Variants in SLC25A37 observed in about 807,000 individuals in gnomAD.
The protein encoded by SLC25A37 is mitoferrin-1.
SLC25A37 carries 17 observed loss-of-function variants against 31.0 expected under a neutral mutation model. The observed-to-expected ratio is 0.55, with a 90% CI of 0.38 to 0.82. The LOEUF (loss-of-function observed/expected upper bound fraction) is 0.82, where lower values mean the gene tolerates loss of function less well. Among genes scored for constraint, SLC25A37 ranks in the 40% least tolerant of loss-of-function variants. The pLI is 0.00. For synonymous variants in SLC25A37, 222 were observed against 193.0 expected (o/e 1.15, Z -1.24); for missense variants, 404 against 465.8 (o/e 0.87, Z 1.22).
At chr8:23,554,651 T>C (rs185118839) in intron 1 of SLC25A37, among the ~76,000 whole-genome samples, 104 of 152,274 alleles carry the variant, frequency 6.8e-4, no homozygotes, top group Non-Finnish European at 1.2e-3. Context: ...GGAGACCAGA[T>C]TGGGTTCCTA....
In SLC25A37 at chr8:23,529,833, C is replaced by A. The variant is rs927284692; in HGVS notation, c.210+621C>A. Among the ~76,000 whole-genome samples, 2 of 152,150 alleles carry A rather than the reference C, an allele frequency of 1.3e-5. No homozygotes were observed. The highest frequency in any genetic ancestry group is 2.9e-5 in the Non-Finnish European group (2 of 68,038). On this transcript the variant is annotated intron_variant, in intron 1 of 3. Coordinates refer to ENST00000519973, the MANE Select transcript of SLC25A37 (RefSeq NM_016612.4). The surrounding 1 kb of genome is among the most constrained non-coding windows in gnomAD (Gnocchi z 4.1). ...CTTTCTGAGGGTTCCTGCACTTCTT[C>A]CCCCGACTTTGGGTCGCCGAGCCGC... is the stretch of plus-strand genomic sequence containing the variant.
chr8:23,538,398 AAAAAAAAAC>A (rs1801817295), intron 1 of SLC25A37, among the ~76,000 whole-genome samples: 2 of 143,844 alleles, frequency 1.4e-5, no homozygotes, highest in African/African-American at 2.6e-5. Context: ...AAAAAAAAAA[AAAAAAAAAC>A]CAGAAAAAAA....
intron 1 of SLC25A37, among the ~76,000 whole-genome samples, chr8:23,554,094 C>T (rs1218765684): frequency 1.3e-5 from 2 of 152,164 alleles, no homozygotes; most frequent in Non-Finnish European, 1.5e-5. Context: ...TCTGGCCGAC[C>T]GCCTGGCTTC....
intron 1 of SLC25A37, among the ~76,000 whole-genome samples, chr8:23,545,443 A>T (rs1802009641): frequency 6.6e-6 from 1 of 152,218 alleles, no homozygotes; most frequent in South Asian, 2.1e-4. Flanking sequence ...ATGATAGTCC[A>T]GGGTGTAGAC....
rs1178677051 is a variant in SLC25A37, at chr8:23,549,845, G to A, written c.211-16263G>A. On this transcript the variant is annotated intron_variant, in intron 1 of 3. Transcript: ENST00000519973. ...GGCTTACATCCCCAGCTGTTAACCT[G>A]TGGGGTGGGCCCCAGACTGTGGCCA... Among the ~76,000 whole-genome samples the A allele has an allele frequency of 1.4e-5, 2 of 138,322 alleles. 1 individual carries two copies. The highest frequency in any genetic ancestry group is 6.4e-5 in the African/African-American group (2 of 31,182). The allele number at this position is 138,322 out of a possible 152,430, so 90.7% of individuals were successfully genotyped here. A position where few individuals can be genotyped will look rare whatever the true frequency, so the allele number is the denominator to read the frequency against.
chr8:23,573,823 G>GC lies in SLC25A37; in HGVS notation c.*1974dup, dbSNP rs772865780. ...GCAGTTAACGCCTTCTCCCTGCTCT[G>GC]CCCCCCACTCCCCAAAACCAGTTGC... is the stretch of plus-strand genomic sequence containing the variant. On this transcript the variant is annotated 3_prime_UTR_variant, in exon 4 of 4. Coordinates refer to ENST00000519973, the MANE Select transcript of SLC25A37 (RefSeq NM_016612.4). The GC allele has an allele frequency of 1.1e-5, 5 of 456,556 alleles. No homozygotes were observed. Among genetic ancestry groups the GC allele is most frequent in the Non-Finnish European group, 2.2e-5 (5 of 226,974 alleles). The allele number at this position is 456,556 out of a possible 1,614,324, so 28.3% of individuals were successfully genotyped here.
rs146811940 is a variant in SLC25A37 at position 23,530,637 on chromosome 8, G to A, written c.210+1425G>A. 5.5e-4 allele frequency among the ~76,000 whole-genome samples: 84 copies of A among 152,318 alleles called. No individual in the cohort carries two copies. The East Asian group carries it at 0.01, about 19-fold the overall frequency. On this transcript the variant is annotated intron_variant, in intron 1 of 3. Transcript: ENST00000519973. ...GACTGATACCAGGTGGCATTTGTAT[G>A]GGAAAGAATCCCTCAAATGTAATAA...
rs540950017 is a variant in SLC25A37, at chr8:23,572,203, T to TAAAAAAAAAAAAAAAAAAA, written c.*375_*393dup. The TAAAAAAAAAAAAAAAAAAA allele has an allele frequency of 2.3e-5, 2 of 85,756 alleles. No individual in the cohort carries two copies. The highest frequency in any genetic ancestry group is 3.5e-4 in the South Asian group (1 of 2,888). 5.3% of individuals were successfully genotyped at this position (85,756 alleles called of 1,614,324 possible). ...GAAAATTTGCAGTGACTGAAAACAG[T>TAAAAAAAAAAAAAAAAAAA]AAAAAAAAAAAAAAAAAAAAAAAAA... On this transcript the variant is annotated 3_prime_UTR_variant, in exon 4 of 4. Coordinates refer to ENST00000519973, the MANE Select transcript of SLC25A37 (RefSeq NM_016612.4).
chr8:23,568,075 C>T (rs1802715860), intron 2 of SLC25A37: 1 of 550,752 alleles, frequency 1.8e-6, no homozygotes, highest in Non-Finnish European at 3.3e-6. Flanking sequence ...GGGTTGACTA[C>T]AAGAAAGAAA....
At chr8:23,562,630 C>T (rs972181748) in intron 1 of SLC25A37, among the ~76,000 whole-genome samples, 3 of 152,218 alleles carry the variant, frequency 2.0e-5, no homozygotes, top group Non-Finnish European at 4.4e-5. Context: ...ATCACTTGGC[C>T]TCTCCATGAA....
chr8:23,534,468 T>G (rs955946417), intron 1 of SLC25A37, among the ~76,000 whole-genome samples: 5 of 152,218 alleles, frequency 3.3e-5, no homozygotes, highest in Admixed American at 1.3e-4. Flanking sequence ...CTGACCCAGC[T>G]TTCCATTGCT....
At chr8:23,545,122 C>T (rs929402332) in intron 1 of SLC25A37, among the ~76,000 whole-genome samples, 2 of 152,180 alleles carry the variant, frequency 1.3e-5, no homozygotes, top group Non-Finnish European at 2.9e-5. Context: ...AGTGAGCTTT[C>T]CTGGTCCAGG....
At chr8:23,568,888 C>T (rs534548530) in intron 3 of SLC25A37, 3 of 163,270 alleles carry the variant, frequency 1.8e-5, no homozygotes, top group South Asian at 3.0e-4. Context: ...GGTTGCAGTG[C>T]ACCGAGAGTA....
intron 1 of SLC25A37, among the ~76,000 whole-genome samples, chr8:23,531,199 CCAAGGTCTGCCAACAT>C (rs1801654309): frequency 6.6e-6 from 1 of 152,204 alleles, no homozygotes; most frequent in Non-Finnish European, 1.5e-5. Flanking sequence ...CCACTGAGTG[CCAAGGTCTGCCAACAT>C]CAGCACAGTT....
chr8:23,563,766 G>A (rs1422385178), intron 1 of SLC25A37, among the ~76,000 whole-genome samples: 1 of 152,152 alleles, frequency 6.6e-6, no homozygotes, highest in Non-Finnish European at 1.5e-5. Flanking sequence ...TGGATCTCGA[G>A]GTCACGAGTT....
At chr8:23,559,191 A>AT (rs1308311246) in intron 1 of SLC25A37, among the ~76,000 whole-genome samples, 1 of 152,236 alleles carries the variant, frequency 6.6e-6, no homozygotes, top group African/African-American at 2.4e-5. Flanking sequence ...TAGTATGGTA[A>AT]TGTGCTTATG....
rs1020512252 is a variant in SLC25A37 at position 23,572,033 on chromosome 8, G to A, written c.*178G>A. ...GCCGCTCACCGGAAGGCTGTGTGCG[G>A]GGACATCCGAGGTGGTGGTGGACAG... On this transcript the variant is annotated 3_prime_UTR_variant, in exon 4 of 4. Transcript: ENST00000519973. The A allele has an allele frequency of 1.3e-5, 9 of 689,926 alleles. No homozygotes were observed. In the Middle Eastern group the frequency reaches 1.2e-3, roughly 94 times the overall value. The allele number at this position is 689,926 out of a possible 1,614,324, so 42.7% of individuals were successfully genotyped here.
intron 1 of SLC25A37, among the ~76,000 whole-genome samples, chr8:23,555,758 G>A (rs1235172798): frequency 6.6e-6 from 1 of 152,188 alleles, no homozygotes; most frequent in Non-Finnish European, 1.5e-5. Context: ...TGAAAACTGG[G>A]ACCATTCGGG....
chr8:23,552,237 T>G (rs1310649096), intron 1 of SLC25A37, among the ~76,000 whole-genome samples: 1 of 152,188 alleles, frequency 6.6e-6, no homozygotes, highest in Non-Finnish European at 1.5e-5. Flanking sequence ...TAAAAATAGT[T>G]CCGGTGAAGA....
Sources: gnomAD v4.1 joint callset for allele counts (sites outside exome capture counted in the v4.1 genomes callset) on GRCh38, gnomAD v4.1.1 for gene constraint, Gnocchi (gnomAD v3.1) non-coding constraint, MANE v1.5 for transcripts, NCBI Gene and HGNC (gene_info 2026-07-23, HGNC 2026-07-21) for gene names.